Variants in ARSG observed in about 807,000 individuals in gnomAD.
ARSG encodes the protein ASG.
In ARSG, 37 loss-of-function variants were observed where a neutral mutation model predicts 50.5. That is an observed-to-expected ratio of 0.73 (90% CI 0.56 to 0.96). The LOEUF (loss-of-function observed/expected upper bound fraction) is 0.96. Ranked by LOEUF, ARSG falls within the 50% of genes least tolerant of loss-of-function variation. The pLI is 0.00. For missense variants in ARSG, 629 were observed against 675.3 expected (o/e 0.93, Z 0.76); for synonymous variants, 225 against 254.6 (o/e 0.88, Z 1.11).
At chr17:68,436,527 A>G in the ARSG span, 2 of 1,570,090 alleles carry the variant, frequency 1.3e-6, no homozygotes, top group South Asian at 1.1e-5. Flanking sequence ...CAAGGGAGAG[A>G]TTGCACGGCT....
chr17:68,298,990 C>G (rs1421609396), intron 1 of ARSG, among the ~76,000 whole-genome samples: 2 of 151,874 alleles, frequency 1.3e-5, no homozygotes, highest in African/African-American at 4.8e-5. Flanking sequence ...TAGAATGGAT[C>G]CAGGGCAAGG....
chr17:68,305,560 C>G (rs782805110), intron 1 of ARSG, among the ~76,000 whole-genome samples: 3 of 152,104 alleles, frequency 2.0e-5, no homozygotes, highest in Non-Finnish European at 4.4e-5. Context: ...TTGAACATGT[C>G]TTTAGATTTT....
intron 8 of ARSG, among the ~76,000 whole-genome samples, chr17:68,371,521 G>C (rs1285473904): frequency 6.6e-6 from 1 of 152,218 alleles, no homozygotes; most frequent in Non-Finnish European, 1.5e-5. Context: ...TCTGCTCTGG[G>C]AGAGCTTTGC....
In ARSG at chr17:68,338,071, G is replaced by C. The variant is rs555517394; in HGVS notation, c.219-5533G>C. Among the ~76,000 whole-genome samples, 4 of 152,286 alleles carry C rather than the reference G, an allele frequency of 2.6e-5. No individual in the cohort carries two copies. In the East Asian group the frequency reaches 7.7e-4, roughly 29 times the overall value. On this transcript the variant is annotated intron_variant, in intron 2 of 11. Coordinates refer to ENST00000621439, the MANE Select transcript of ARSG (RefSeq NM_001267727.2). ...ATGGTTTTTAGGGTATAAAAACCTT[G>C]AAAAACTGGCTTCCCTGAATAGATC... is the stretch of plus-strand genomic sequence containing the variant.
At chr17:68,308,315 A>G (rs573562511) in intron 2 of ARSG, among the ~76,000 whole-genome samples, 31 of 151,984 alleles carry the variant, frequency 2.0e-4, no homozygotes, top group African/African-American at 7.2e-4. Flanking sequence ...GCACGTCTGG[A>G]GTTTGTTCCT....
chr17:68,447,788 C>G, the ARSG span, among the ~76,000 whole-genome samples: 1 of 151,678 alleles, frequency 6.6e-6, no homozygotes, highest in Non-Finnish European at 1.5e-5. Context: ...GTCAGGAGAT[C>G]GAGAACATCC....
At chr17:68,385,616 G>GTTATTC (rs1370268739) in intron 9 of ARSG, among the ~76,000 whole-genome samples, 11 of 151,556 alleles carry the variant, frequency 7.3e-5, no homozygotes, top group Non-Finnish European at 1.6e-4. Flanking sequence ...TGGGACTCGA[G>GTTATTC]CCATCTTCTG....
In ARSG at chr17:68,307,580, G is replaced by C. The variant is rs61734949; in HGVS notation, c.87G>C (p.Gly29=). The C allele has an allele frequency of 2.5e-6, 4 of 1,614,002 alleles. No homozygotes were observed. Among genetic ancestry groups the C allele is most frequent in the Non-Finnish European group, 3.4e-6 (4 of 1,180,010 alleles). The part of the protein sequence containing the change: ...LYPLVDFCIS[G]KTRGQKPNFV... ...CTCTTGTGGATTTTTGCATCAGTGGGAAAACAAGAGGACAGAAGCCAAACT... is the reference window on the plus strand; with the variant it reads ...CTCTTGTGGATTTTTGCATCAGTGGCAAAACAAGAGGACAGAAGCCAAACT... The change falls in exon 2 of 12, where the codon GGG becomes GGC. Residue 29 remains glycine, a synonymous_variant. Coordinates refer to ENST00000621439, the MANE Select transcript of ARSG (RefSeq NM_001267727.2).
At chr17:68,428,828 C>G in the ARSG span, 2 of 1,611,024 alleles carry the variant, frequency 1.2e-6, no homozygotes, top group African/African-American at 2.7e-5. Context: ...AGTCTCTTCA[C>G]CTGTGGGTTT....
upstream of ARSG, among the ~76,000 whole-genome samples, chr17:68,290,234 G>A (rs931172405): frequency 4.6e-5 from 7 of 152,276 alleles, no homozygotes; most frequent in Non-Finnish European, 5.9e-5. Context: ...TGGCTCCGGG[G>A]AGCTTTTTCT....
chr17:68,334,613 C>T (rs1367167137), intron 2 of ARSG, among the ~76,000 whole-genome samples: 8 of 152,008 alleles, frequency 5.3e-5, no homozygotes, highest in Admixed American at 3.3e-4. Flanking sequence ...TAGTACTGGG[C>T]GTTGACTAAG....
At chr17:68,303,416 A>G (rs2076493802) in intron 1 of ARSG, among the ~76,000 whole-genome samples, 1 of 150,056 alleles carries the variant, frequency 6.7e-6, no homozygotes, top group Admixed American at 6.6e-5. Flanking sequence ...TGAGCCACTG[A>G]GTCTGGCTAT....
intron 7 of ARSG, among the ~76,000 whole-genome samples, 156 bp downstream of exon 7, chr17:68,368,900 T>C (rs2079684007): frequency 6.6e-6 from 1 of 152,214 alleles, no homozygotes; most frequent in African/African-American, 2.4e-5. Flanking sequence ...GCCTGAATGC[T>C]GAGCACCTGT....
chr17:68,349,343 G>A (rs181118219), intron 4 of ARSG, among the ~76,000 whole-genome samples: 12 of 152,256 alleles, frequency 7.9e-5, no homozygotes, highest in African/African-American at 2.9e-4. Flanking sequence ...AGTCATTTGT[G>A]TACATATTGT....
rs73998074 is a variant in ARSG at position 68,292,636 on chromosome 17, A to T, written c.-552+1068A>T. Among the ~76,000 whole-genome samples, 450 of 152,292 alleles carry T rather than the reference A, an allele frequency of 3.0e-3. 2 individuals carry two copies. Among genetic ancestry groups the T allele is most frequent in the African/African-American group, 0.011 (437 of 41,566 alleles). Reference sequence around the variant, plus strand: ...GAAACTCAAGAGAGCCTAGTTTGGGAGTGCATGCACGGAGGGTCGCCACCG... The same window carrying T: ...GAAACTCAAGAGAGCCTAGTTTGGGTGTGCATGCACGGAGGGTCGCCACCG... On this transcript the variant is annotated intron_variant, in intron 1 of 11. Transcript: ENST00000621439.
At chr17:68,416,821 A>C (rs972953699) in intron 11 of ARSG, among the ~76,000 whole-genome samples, 4 of 152,042 alleles carry the variant, frequency 2.6e-5, no homozygotes, top group Non-Finnish European at 4.4e-5. Flanking sequence ...CTGATGTTTT[A>C]ACTGTTTTTT....
chr17:68,316,568 C>G (rs1385194314), intron 2 of ARSG, among the ~76,000 whole-genome samples: 2 of 152,228 alleles, frequency 1.3e-5, no homozygotes, highest in African/African-American at 4.8e-5. Context: ...TGGAACTAGA[C>G]TGCCTTGGTC....
the ARSG span, among the ~76,000 whole-genome samples, chr17:68,433,144 T>C: frequency 2.0e-5 from 3 of 152,250 alleles, no homozygotes; most frequent in Admixed American, 2.0e-4. Context: ...ACACTTTAGA[T>C]CTGCAGACTC....
intron 11 of ARSG, among the ~76,000 whole-genome samples, chr17:68,411,648 T>C (rs2082001247): frequency 6.8e-6 from 1 of 147,974 alleles, no homozygotes; most frequent in Non-Finnish European, 1.5e-5. Context: ...GTCCGCTTGG[T>C]GCAGAGCTGA....
Sources: allele counts gnomAD v4.1 joint callset (sites outside exome capture counted in the v4.1 genomes callset), GRCh38; gene constraint gnomAD v4.1.1; transcripts MANE v1.5; gene names NCBI Gene and HGNC (gene_info 2026-07-23, HGNC 2026-07-21).